Variants in ELMO1 observed in about 807,000 individuals in gnomAD.
The protein encoded by ELMO1 is engulfment and cell motility 1, also known as engulfment and cell motility protein 1.
In ELMO1, 26 loss-of-function variants were observed where a neutral mutation model predicts 98.9. That is an observed-to-expected ratio of 0.26 (90% confidence interval 0.19 to 0.36). The LOEUF (loss-of-function observed/expected upper bound fraction) is 0.36, where lower values mean the gene tolerates loss of function less well. Among genes scored for constraint, ELMO1 ranks in the 10% least tolerant of loss-of-function variants. The pLI is 1.00. For missense variants in ELMO1, 627 were observed against 935.2 expected (o/e 0.67, Z 4.30); for synonymous variants, 346 against 346.0 (o/e 1.00, Z 0.00).
chr7:37,345,833 C>G (rs1231096129), intron 1 of ELMO1, among the ~76,000 whole-genome samples: 2 of 149,274 alleles, frequency 1.3e-5, no homozygotes, highest in African/African-American at 4.9e-5. Flanking sequence ...ACTAAAAATA[C>G]AAAAAATTAG....
At chr7:37,390,456 C>CA (rs1392657708) in intron 1 of ELMO1, among the ~76,000 whole-genome samples, 4 of 149,672 alleles carry the variant, frequency 2.7e-5, no homozygotes, top group Admixed American at 6.7e-5. Flanking sequence ...TACACTCTGC[C>CA]TTTTTTTTTT....
intron 15 of ELMO1, among the ~76,000 whole-genome samples, chr7:37,047,518 G>A (rs2129200960): frequency 6.6e-6 from 1 of 152,328 alleles, no homozygotes; most frequent in South Asian, 2.1e-4. Context: ...AGCGTCACCT[G>A]TTCCCCATAG....
At chr7:37,417,073 A>T (rs1006741278) in intron 1 of ELMO1, among the ~76,000 whole-genome samples, 2 of 152,180 alleles carry the variant, frequency 1.3e-5, no homozygotes, top group Non-Finnish European at 2.9e-5. Flanking sequence ...TAATTCTCTC[A>T]ACGATCCTAG....
At chr7:37,200,998 T>G (rs1792263335) in intron 13 of ELMO1, among the ~76,000 whole-genome samples, 1 of 147,894 alleles carries the variant, frequency 6.8e-6, no homozygotes, top group Non-Finnish European at 1.5e-5. Context: ...TTTTTAGGAG[T>G]GAGGAAAGAA....
At chr7:37,139,283 C>A (rs1020253109) in intron 13 of ELMO1, among the ~76,000 whole-genome samples, 20 of 152,166 alleles carry the variant, frequency 1.3e-4, no homozygotes, top group African/African-American at 4.3e-4. Flanking sequence ...GTCAAATTGT[C>A]ACTGTTTGCT....
At chr7:36,974,321 G>C (rs1452063680) in intron 16 of ELMO1, among the ~76,000 whole-genome samples, 3 of 152,206 alleles carry the variant, frequency 2.0e-5, no homozygotes, top group African/African-American at 4.8e-5. Context: ...TCTGTATCTA[G>C]CTGCTGTGGT....
chr7:37,155,586 C>T (rs979530585), intron 13 of ELMO1, among the ~76,000 whole-genome samples: 7 of 150,530 alleles, frequency 4.7e-5, no homozygotes, highest in Admixed American at 1.3e-4. Flanking sequence ...AATGCCATTA[C>T]ATAATGGTAA....
At chr7:37,310,437 T>C (rs1486798093) in intron 4 of ELMO1, among the ~76,000 whole-genome samples, 7 of 135,746 alleles carry the variant, frequency 5.2e-5, no homozygotes, top group Admixed American at 4.7e-4. Flanking sequence ...CTAAAAAGAA[T>C]GGTATTCGTG....
chr7:37,337,525 A>T (rs1385659939), intron 2 of ELMO1, among the ~76,000 whole-genome samples: 4 of 43,580 alleles, frequency 9.2e-5, no homozygotes, highest in African/African-American at 1.5e-4. Flanking sequence ...TTAAAGTATA[A>T]AAAAAAAAAA....
chr7:37,033,279 G>C (rs182959324), intron 15 of ELMO1: 493 of 414,456 alleles, frequency 1.2e-3, no homozygotes, highest in Non-Finnish European at 1.3e-3. Flanking sequence ...CCTTCCAGGG[G>C]ATCCTTGTGC....
chr7:37,052,336 T>C (rs1796151932), intron 15 of ELMO1, among the ~76,000 whole-genome samples: 1 of 152,224 alleles, frequency 6.6e-6, no homozygotes, highest in South Asian at 2.1e-4. Flanking sequence ...TGCAAAGCCA[T>C]GTTAGTTTAA....
chr7:36,926,821 T>C (rs1278910328), intron 16 of ELMO1, among the ~76,000 whole-genome samples: 1 of 152,256 alleles, frequency 6.6e-6, no homozygotes, highest in Non-Finnish European at 1.5e-5. Context: ...TATTTTTCTA[T>C]ATTCCTAATG....
At chr7:36,905,916 G>A (rs1335802769) in intron 16 of ELMO1, among the ~76,000 whole-genome samples, 1 of 152,250 alleles carries the variant, frequency 6.6e-6, no homozygotes, top group Admixed American at 6.5e-5. Context: ...ATCAAGGGTA[G>A]AACCCGAAGC....
intron 1 of ELMO1, among the ~76,000 whole-genome samples, chr7:37,409,936 T>C (rs909266104): frequency 2.5e-4 from 38 of 152,158 alleles, no homozygotes; most frequent in Non-Finnish European, 5.3e-4. Context: ...CCACAGTAAA[T>C]ATTATCATTA....
chr7:36,902,842 C>A (rs180939561), intron 16 of ELMO1, among the ~76,000 whole-genome samples: 2 of 152,314 alleles, frequency 1.3e-5, no homozygotes, highest in East Asian at 3.9e-4. Flanking sequence ...GACTTTGCCT[C>A]TTGAATATCT....
intron 16 of ELMO1, among the ~76,000 whole-genome samples, chr7:37,010,211 C>T (rs1793449111): frequency 6.6e-6 from 1 of 152,096 alleles, no homozygotes; most frequent in Admixed American, 6.5e-5. Flanking sequence ...ACAAAAGGCT[C>T]CTCTGTCCGT....
chr7:37,387,353 G>T (rs1350829218), intron 1 of ELMO1, among the ~76,000 whole-genome samples: 1 of 152,170 alleles, frequency 6.6e-6, no homozygotes, highest in Non-Finnish European at 1.5e-5. Context: ...TCTGTTTCAG[G>T]CCTCCCTCCT....
At chr7:36,887,006 G>A (rs1046870217) in intron 18 of ELMO1, among the ~76,000 whole-genome samples, 2 of 152,174 alleles carry the variant, frequency 1.3e-5, no homozygotes, top group Non-Finnish European at 2.9e-5. Flanking sequence ...AACAGTGAGT[G>A]CCAGCTCTCC....
At chr7:37,016,931 C>A (rs911116528) in intron 15 of ELMO1, among the ~76,000 whole-genome samples, 3 of 152,154 alleles carry the variant, frequency 2.0e-5, no homozygotes, top group Non-Finnish European at 4.4e-5. Context: ...TCTCAATTAA[C>A]CCTGCCTCCA....
Sources: gnomAD v4.1 joint callset for allele counts (sites outside exome capture counted in the v4.1 genomes callset) on GRCh38, gnomAD v4.1.1 for gene constraint, MANE v1.5 for transcripts, NCBI Gene and HGNC (gene_info 2026-07-23, HGNC 2026-07-21) for gene names.